The following ZNF341 variants were observed in gnomAD, a reference collection of about 807,000 sequenced individuals.
ZNF341 encodes zinc finger protein 341.
Under a neutral mutation model 87.7 loss-of-function variants are expected in ZNF341, and 52 were observed. That is an observed-to-expected ratio of 0.59 (90% confidence interval 0.47 to 0.75). The LOEUF is 0.75. Among genes scored for constraint, ZNF341 ranks in the 30% least tolerant of loss-of-function variants. The probability of loss-of-function intolerance (pLI) is 0.00; values close to 1 mark genes in which losing one functional copy is unlikely to be tolerated. For missense variants in ZNF341, 977 were observed against 1,145.9 expected (o/e 0.85, Z 2.13); for synonymous variants, 459 against 472.7 (o/e 0.97, Z 0.38).
chr20:33,738,826 T>C (rs548481068), intron 1 of ZNF341, among the ~76,000 whole-genome samples: 20 of 151,542 alleles, frequency 1.3e-4, no homozygotes, highest in South Asian at 4.2e-4. Flanking sequence ...GTGGTGAGAG[T>C]TGGTGGAGAG....
At position 33,732,283 on chromosome 20, in the gene ZNF341, C is replaced by T. The variant is rs932637189; in HGVS notation, c.31+231C>T. 3.3e-5 allele frequency among the ~76,000 whole-genome samples: 5 copies of T among 150,172 alleles called. No individual in the cohort carries two copies. The highest frequency in any genetic ancestry group is 5.9e-5 in the Non-Finnish European group (4 of 67,326). ...GAGAGCCAGGCCGGCGGGGAGGGGGCTCGGGTCCGGAACAGCGCCAGCCTG... is the reference window on the plus strand; with the variant it reads ...GAGAGCCAGGCCGGCGGGGAGGGGGTTCGGGTCCGGAACAGCGCCAGCCTG... On this transcript the variant is annotated intron_variant, in intron 1 of 14. Coordinates refer to ENST00000375200, the MANE Select transcript of ZNF341 (RefSeq NM_001282933.2). The surrounding 1 kb of genome is among the most constrained non-coding windows in gnomAD (Gnocchi z 4.5).
At chr20:33,777,779 G>A (rs934543368) in intron 10 of ZNF341, among the ~76,000 whole-genome samples, 2 of 152,070 alleles carry the variant, frequency 1.3e-5, no homozygotes, top group Non-Finnish European at 2.9e-5. Context: ...TTTTGAACCA[G>A]AATCACATGT....
intron 3 of ZNF341, among the ~76,000 whole-genome samples, chr20:33,747,099 G>A (rs1248410649): frequency 6.6e-6 from 1 of 152,140 alleles, no homozygotes; most frequent in African/African-American, 2.4e-5. Context: ...ACCCTGGATA[G>A]GGGGCTCATA....
At chr20:33,778,035 T>C (rs147654546) in intron 10 of ZNF341, among the ~76,000 whole-genome samples, 1 of 152,326 alleles carries the variant, frequency 6.6e-6, no homozygotes, top group East Asian at 1.9e-4. Flanking sequence ...AGGCATGTGA[T>C]GTTGATTTGC....
intron 14 of ZNF341, 29 bp from the exon 15 acceptor site, chr20:33,790,959 C>G (rs1568597670): frequency 6.3e-7 from 1 of 1,590,922 alleles, no homozygotes; most frequent in South Asian, 1.1e-5. Context: ...GGTCTGGATG[C>G]TTCTCACTGA....
intron 10 of ZNF341, among the ~76,000 whole-genome samples, chr20:33,770,775 C>A (rs1468305270): frequency 6.6e-6 from 1 of 152,032 alleles, no homozygotes; most frequent in Non-Finnish European, 1.5e-5. Flanking sequence ...GAGTTTGAGA[C>A]CAGCCTGGCA....
chr20:33,787,130 C>CT (rs2019883957), intron 12 of ZNF341: 1 of 152,068 alleles, frequency 6.6e-6, no homozygotes, highest in South Asian at 2.1e-4. Context: ...TTGGTCTGTC[C>CT]TTTCCCTACA....
intron 10 of ZNF341, among the ~76,000 whole-genome samples, chr20:33,776,389 G>C (rs1601280895): frequency 6.7e-6 from 1 of 150,362 alleles, no homozygotes; most frequent in East Asian, 2.0e-4. Flanking sequence ...CACTGCACCT[G>C]GCCTTTTTTT....
intron 4 of ZNF341, among the ~76,000 whole-genome samples, chr20:33,751,063 C>T (rs1347764747): frequency 2.0e-5 from 3 of 152,216 alleles, no homozygotes; most frequent in Admixed American, 6.5e-5. Flanking sequence ...GTGTGAGCCA[C>T]TGCACCCAGC....
At position 33,791,233 on chromosome 20, in the gene ZNF341, C is replaced by T. The variant is rs772588786; in HGVS notation, c.2281C>T (p.Arg761Cys). 2.0e-5 allele frequency: 32 copies of T among 1,611,662 alleles called. No homozygotes were observed. The highest frequency in any genetic ancestry group is 1.8e-4 in the South Asian group (16 of 90,984). ...CCCCCGCAGTTGCGGCAGTGGTGGG[C>T]GCAAGGTGCTGACCCCCTTGCCTGA... The part of the protein sequence containing the change: ...AAPRSCGSGG[R>C]KVLTPLPDPL... The change falls in exon 15 of 15, where the codon CGC (arginine) becomes TGC (cysteine). Residue 761 changes from arginine to cysteine, a missense_variant. By Grantham distance (180) the Arg-to-Cys change is radical. Around this residue, in one of 3 missense-constraint regions of ZNF341, gnomAD observed 221 missense variants for 212.7 expected, o/e 1.04. Coordinates refer to ENST00000375200, the MANE Select transcript of ZNF341 (RefSeq NM_001282933.2).
Position 33,791,270 on chromosome 20 carries a change from T to C in ZNF341, c.2318T>C (p.Leu773Pro). The C allele has an allele frequency of 6.2e-7, 1 of 1,611,828 alleles. No individual in the cohort carries two copies. Residue 773 changes from leucine to proline, a missense_variant, in exon 15 of 15, where the codon CTG (leucine) becomes CCG (proline). This residue lies in a region of ZNF341 where 221 missense variants were observed against 212.7 expected (regional missense o/e 1.04). Transcript: ENST00000375200. The stretch of plus-strand genomic sequence containing the variant: ...ACCCCCTTGCCTGACCCGCTGGGGC[T>C]GGAGGAGCTGAAGGACACAGGGGCT... ...VLTPLPDPLG[L>P]EELKDTGAGL...
At chr20:33,776,794 C>T (rs940875506) in intron 10 of ZNF341, among the ~76,000 whole-genome samples, 1 of 152,150 alleles carries the variant, frequency 6.6e-6, no homozygotes, top group Admixed American at 6.6e-5. Context: ...GCTAGGACTA[C>T]AGGCAGGCGC....
intron 3 of ZNF341, 126 bp downstream of exon 3, chr20:33,745,425 C>T (rs550633733): frequency 2.2e-5 from 20 of 913,622 alleles, no homozygotes; most frequent in Non-Finnish European, 3.1e-5. Flanking sequence ...TGGAGTGGGG[C>T]GAGATGGATG....
intron 3 of ZNF341, 59 bp downstream of exon 3, chr20:33,745,358 C>CT: frequency 6.6e-7 from 1 of 1,521,796 alleles, no homozygotes; most frequent in Non-Finnish European, 8.9e-7. Flanking sequence ...TGCTCAGGCA[C>CT]TGTGCTGGGC....
intron 1 of ZNF341, among the ~76,000 whole-genome samples, chr20:33,739,327 C>T (rs542679775): frequency 1.7e-4 from 26 of 152,224 alleles, no homozygotes; most frequent in African/African-American, 6.0e-4. Flanking sequence ...GGAAGACATC[C>T]CAGTAAAAGC....
chr20:33,732,171 G>A lies in ZNF341; in HGVS notation c.31+119G>A. 1 of 737,942 alleles carries A rather than the reference G, an allele frequency of 1.4e-6. No homozygotes were observed. The highest frequency in any genetic ancestry group is 5.9e-5 in the South Asian group (1 of 17,092). 45.7% of individuals were successfully genotyped at this position (737,942 alleles called of 1,614,324 possible). On this transcript the variant is annotated intron_variant, in intron 1 of 14. Transcript: ENST00000375200. The surrounding 1 kb of genome is among the most constrained non-coding windows in gnomAD (Gnocchi z 4.5). ...CGCGGGGCGGAGGGCGCCGGGGCTG[G>A]AACAGCCGCGGGGCGGGAGGGGCGC...
intron 2 of ZNF341, among the ~76,000 whole-genome samples, chr20:33,744,482 G>A (rs2122643697): frequency 6.6e-6 from 1 of 152,308 alleles, no homozygotes; most frequent in African/African-American, 2.4e-5. Flanking sequence ...ATTCAGACAG[G>A]ATAAAGGTTC....
At chr20:33,743,794 A>G (rs951673929) in intron 2 of ZNF341, among the ~76,000 whole-genome samples, 16 of 152,226 alleles carry the variant, frequency 1.1e-4, no homozygotes, top group Admixed American at 5.9e-4. Flanking sequence ...ACTGTAGTTA[A>G]TCATTCATTT....
intron 1 of ZNF341, among the ~76,000 whole-genome samples, chr20:33,733,041 A>G (rs1353695216): frequency 2.6e-5 from 4 of 151,930 alleles, no homozygotes; most frequent in Non-Finnish European, 5.9e-5. Context: ...GATCTCAGCC[A>G]CTCCCTGCAC....
Sources: allele counts gnomAD v4.1 joint callset (sites outside exome capture counted in the v4.1 genomes callset), GRCh38; gene constraint gnomAD v4.1.1; regional missense constraint gnomAD v4.1.1; non-coding constraint Gnocchi (gnomAD v3.1); transcripts MANE v1.5; gene names NCBI Gene and HGNC (gene_info 2026-07-23, HGNC 2026-07-21).